POTEF: variants seen among roughly 807,000 people sequenced by gnomAD.
The protein encoded by POTEF is ANKRD26-like family C member 1B.
A neutral mutation model predicts 83.2 loss-of-function variants in POTEF; 20 were observed. That is an observed-to-expected ratio of 0.24 (90% confidence interval 0.17 to 0.35). The LOEUF (loss-of-function observed/expected upper bound fraction) is 0.35. Ranked by LOEUF, POTEF falls within the 10% of genes least tolerant of loss-of-function variation. The pLI is 1.00. For missense variants in POTEF, 550 were observed against 1,203.2 expected (o/e 0.46, Z 8.03); for synonymous variants, 196 against 446.4 (o/e 0.44, Z 7.07).
intron 1 of POTEF, among the ~76,000 whole-genome samples, chr2:130,128,496 G>T (rs1382085105): frequency 8.6e-6 from 1 of 115,718 alleles, no homozygotes; most frequent in African/African-American, 3.2e-5. Flanking sequence ...TGTAGCCCCC[G>T]GACAGCACAC....
rs996518482 is a variant in POTEF, at chr2:130,118,888, C to T, written c.521+1107G>A. ...CATCTTTTTCAAATAATAAAAAACA[C>T]CACCATTATCAAGCGCTAAATTCTT... On this transcript the variant is annotated intron_variant, in intron 3 of 16. Transcript: ENST00000409914. 2.0e-5 allele frequency among the ~76,000 whole-genome samples: 3 copies of T among 149,722 alleles called. No homozygotes were observed. In the East Asian group the frequency reaches 5.8e-4, roughly 29 times the overall value.
chr2:130,118,154 C>T (rs1190287847), intron 3 of POTEF, among the ~76,000 whole-genome samples: 1 of 151,722 alleles, frequency 6.6e-6, no homozygotes, highest in Non-Finnish European at 1.5e-5. Flanking sequence ...ACTGGCCAGG[C>T]TGGTCTCAAA....
At chr2:130,101,367 TAAAG>T (rs1349530478) in intron 9 of POTEF, among the ~76,000 whole-genome samples, 2 of 147,790 alleles carry the variant, frequency 1.4e-5, no homozygotes, top group Non-Finnish European at 2.9e-5. Flanking sequence ...TTACAGTGGA[TAAAG>T]ATTTTTTAAC....
intron 3 of POTEF, among the ~76,000 whole-genome samples, chr2:130,118,498 C>G (rs1357047066): frequency 6.6e-6 from 1 of 151,814 alleles, no homozygotes; most frequent in African/African-American, 2.4e-5. Flanking sequence ...AGTTCAAGAC[C>G]TGCCTGGCCA....
chr2:130,113,775 G>T (rs1684772144), intron 5 of POTEF, among the ~76,000 whole-genome samples: 1 of 151,322 alleles, frequency 6.6e-6, no homozygotes, highest in Non-Finnish European at 1.5e-5. Context: ...AGGTTACTAG[G>T]ATGCACAATT....
chr2:130,122,880 C>T (rs1421012935), intron 2 of POTEF, among the ~76,000 whole-genome samples: 1 of 151,748 alleles, frequency 6.6e-6, no homozygotes, highest in Non-Finnish European at 1.5e-5. Context: ...TTGTAACTCT[C>T]AACTTTATTG....
At chr2:130,112,511 TTTC>T (rs1684740620) in intron 5 of POTEF, among the ~76,000 whole-genome samples, 1 of 84,104 alleles carries the variant, frequency 1.2e-5, no homozygotes, top group South Asian at 3.9e-4. Context: ...ATGTAAAATA[TTTC>T]TTTAGTTTCA....
At position 130,078,396 on chromosome 2, in the gene POTEF, A is replaced by G. The variant is rs938148802; in HGVS notation, c.1779-1195T>C. On this transcript the variant is annotated intron_variant, in intron 15 of 16. Transcript: ENST00000409914. Reference sequence around the variant, plus strand: ...GTACCTAGGAATATACTTAATGAAAAAAGTGAGTGATCTATATAAAGATAA... The same window carrying G: ...GTACCTAGGAATATACTTAATGAAAGAAGTGAGTGATCTATATAAAGATAA... Among the ~76,000 whole-genome samples the G allele has an allele frequency of 4.5e-5, 4 of 89,008 alleles. 1 individual carries two copies. Among genetic ancestry groups the G allele is most frequent in the African/African-American group, 8.4e-5 (2 of 23,778 alleles). The allele number at this position is 89,008 out of a possible 152,430, so 58.4% of individuals were successfully genotyped here. A position where few individuals can be genotyped will look rare whatever the true frequency, so the allele number is the denominator to read the frequency against.
At chr2:130,109,386 T>C (rs1298639495) in intron 7 of POTEF, 1 of 143,586 alleles carries the variant, frequency 7.0e-6, no homozygotes, top group Non-Finnish European at 1.5e-5. Flanking sequence ...CTAACCTACT[T>C]GAGATTCTGA....
intron 2 of POTEF, among the ~76,000 whole-genome samples, chr2:130,122,245 CCTA>C (rs1416872958): frequency 2.7e-5 from 4 of 150,330 alleles, no homozygotes; most frequent in Admixed American, 2.0e-4. Flanking sequence ...TCTGTTGTTT[CCTA>C]CTTTTTGTTG....
At position 130,075,415 on chromosome 2, in the gene POTEF, C is replaced by T. The variant is rs1301274305; in HGVS notation, c.2057G>A (p.Arg686Lys). The change falls in exon 17 of 17, where the codon AGG becomes AAG. Residue 686 changes from arginine to lysine, a missense_variant. Coordinates refer to ENST00000409914, the MANE Select transcript of POTEF (RefSeq NM_001099771.2). Reference protein sequence around the residue: ...YLEDIESVKKRNDNLLKALQL... With the variant: ...YLEDIESVKKKNDNLLKALQL... ...TAGAGCCTTTAAAAGATTATCATTC[C>T]TTTTTTTCACACTTTCAATATCCTC... The T allele has an allele frequency of 1.3e-5, 21 of 1,611,184 alleles. No individual in the cohort carries two copies. The highest frequency in any genetic ancestry group is 7.7e-5 in the South Asian group (7 of 90,990).
chr2:130,104,349 C>A (rs1288917094), intron 8 of POTEF, among the ~76,000 whole-genome samples: 1 of 145,152 alleles, frequency 6.9e-6, no homozygotes, highest in African/African-American at 2.7e-5. Flanking sequence ...AGATTTCTAT[C>A]CAGTCTTCCT....
chr2:130,108,765 T>C (rs572543352), intron 7 of POTEF, among the ~76,000 whole-genome samples: 2,515 of 148,884 alleles, frequency 0.017, 64 homozygotes, highest in African/African-American at 0.06. Context: ...AAGTAGATAA[T>C]GTGATTGTCC....
rs750234176 is a variant in POTEF, at chr2:130,075,461, G to A, written c.2011C>T (p.Leu671=). The A allele has an allele frequency of 6.2e-7, 1 of 1,611,178 alleles. No homozygotes were observed. The highest frequency in any genetic ancestry group is 1.1e-5 in the South Asian group (1 of 90,964). Residue 671 remains leucine, a synonymous_variant, in exon 17 of 17, where the codon CTA becomes TTA. Transcript: ENST00000409914. ...ELDTMKHQSQ[L]REKKYLEDIE... ...TCCTCCAAATATTTCTTTTCTCTTAGCTGGCTCTGATGTTTCATTGTGTCT... is the reference window on the plus strand; with the variant it reads ...TCCTCCAAATATTTCTTTTCTCTTAACTGGCTCTGATGTTTCATTGTGTCT...
chr2:130,126,513 A>G (rs1685097085), intron 2 of POTEF, among the ~76,000 whole-genome samples: 1 of 152,080 alleles, frequency 6.6e-6, no homozygotes, highest in African/African-American at 2.4e-5. Flanking sequence ...ACTACTTACA[A>G]CGCATTAGCC....
At chr2:130,114,799 T>A (rs1289877017) in intron 5 of POTEF, 82 bp downstream of exon 5, 1 of 1,444,818 alleles carries the variant, frequency 6.9e-7, no homozygotes, top group Non-Finnish European at 9.3e-7. Context: ...AGCTTCCAAA[T>A]ATGGAAGACT....
rs568123092 is a variant in POTEF at position 130,120,645 on chromosome 2, G to A, written c.-93-37C>T. ...GAAAAGTCAATCCCAGCCAAAACCT[G>A]CCAACCCCAGCAGGGGATTCCAGCC... On this transcript the variant is annotated intron_variant, in intron 2 of 16. Coordinates refer to ENST00000409914, the MANE Select transcript of POTEF (RefSeq NM_001099771.2). The A allele has an allele frequency of 1.4e-4, 217 of 1,540,684 alleles. 3 individuals carry two copies. In the South Asian group the frequency reaches 2.1e-3, roughly 15 times the overall value.
At chr2:130,106,140 AAACACTGTC>A (rs1171759471) in intron 8 of POTEF, among the ~76,000 whole-genome samples, 2 of 151,016 alleles carry the variant, frequency 1.3e-5, no homozygotes, top group Non-Finnish European at 2.9e-5. Flanking sequence ...GACGTGAATA[AAACACTGTC>A]AACAGCACAG....
At chr2:130,101,781 C>A in intron 9 of POTEF, among the ~76,000 whole-genome samples, 1 of 118,646 alleles carries the variant, frequency 8.4e-6, no homozygotes, top group Non-Finnish European at 1.8e-5. Context: ...TTTGTTTTTG[C>A]CTCTATTCCA....
Sources: allele counts gnomAD v4.1 joint callset (sites outside exome capture counted in the v4.1 genomes callset), GRCh38; gene constraint gnomAD v4.1.1; transcripts MANE v1.5; gene names NCBI Gene and HGNC (gene_info 2026-07-23, HGNC 2026-07-21).